ARHGAP12: variants seen among roughly 807,000 people sequenced by gnomAD.
ARHGAP12 encodes the protein Rho GTPase activating protein 12, also known as rho GTPase-activating protein 12.
ARHGAP12 carries 64 observed loss-of-function variants against 108.6 expected under a neutral mutation model. The ratio of observed to expected loss-of-function variants is 0.59; its 90% CI spans 0.48 to 0.73. The LOEUF (loss-of-function observed/expected upper bound fraction) is 0.73, where lower values mean the gene tolerates loss of function less well. Ranked by LOEUF, ARHGAP12 falls within the 30% of genes least tolerant of loss-of-function variation. The pLI is 0.00. For synonymous variants in ARHGAP12, 312 were observed against 337.2 expected (o/e 0.93, Z 0.82); for missense variants, 940 against 1,005.9 (o/e 0.93, Z 0.89).
At chr10:31,825,321 T>C (rs958114723) in intron 11 of ARHGAP12, among the ~76,000 whole-genome samples, 6 of 152,142 alleles carry the variant, frequency 3.9e-5, no homozygotes, top group African/African-American at 9.6e-5. Context: ...ATAAGATCCA[T>C]AGGTTTTGTA....
chr10:31,865,835 G>T (rs1040419277), intron 3 of ARHGAP12, among the ~76,000 whole-genome samples: 1 of 149,536 alleles, frequency 6.7e-6, no homozygotes, highest in Non-Finnish European at 1.5e-5. Context: ...CCAAGACCGC[G>T]ACGCTGCACT....
At chr10:31,921,143 G>A (rs955682011) in intron 1 of ARHGAP12, among the ~76,000 whole-genome samples, 3 of 151,908 alleles carry the variant, frequency 2.0e-5, no homozygotes, top group South Asian at 4.2e-4. Flanking sequence ...AAAACTAGCC[G>A]GGCATGGTGA....
intron 16 of ARHGAP12, chr10:31,809,796 C>T (rs1021950246): frequency 6.6e-6 from 1 of 152,286 alleles, no homozygotes; most frequent in Non-Finnish European, 1.5e-5. Context: ...AAAAACAATA[C>T]ATAATTTGCT....
Position 31,807,602 on chromosome 10 carries a change from AC to A in ARHGAP12, c.*55del. On this transcript the variant is annotated 3_prime_UTR_variant, in exon 20 of 20. Transcript: ENST00000344936. Reference sequence around the variant, plus strand: ...AAAAAATAAAATACATTGTGTATAAACATTTGAAATCTGATGGAATCCAGCT... The same window carrying A: ...AAAAAATAAAATACATTGTGTATAAAATTTGAAATCTGATGGAATCCAGCT... 1 of 1,525,682 alleles carries A rather than the reference AC, an allele frequency of 6.6e-7. No individual in the cohort carries two copies. Among genetic ancestry groups the A allele is most frequent in the East Asian group, 2.3e-5 (1 of 43,064 alleles). The allele number at this position is 1,525,682 out of a possible 1,614,324, so 94.5% of individuals were successfully genotyped here.
intron 3 of ARHGAP12, 23 bp downstream of exon 3, chr10:31,908,149 C>A (rs769972577): frequency 6.5e-7 from 1 of 1,535,800 alleles, no homozygotes; most frequent in Non-Finnish European, 8.7e-7. Flanking sequence ...TACAGTGTTT[C>A]CTCATTCTAT....
At chr10:31,896,010 G>C (rs1386949506) in intron 3 of ARHGAP12, among the ~76,000 whole-genome samples, 3 of 151,736 alleles carry the variant, frequency 2.0e-5, no homozygotes, top group Non-Finnish European at 4.4e-5. Context: ...AACACCGCAT[G>C]TTCTCACTCA....
At chr10:31,836,588 A>T (rs1268904125) in intron 9 of ARHGAP12, among the ~76,000 whole-genome samples, 1 of 151,572 alleles carries the variant, frequency 6.6e-6, no homozygotes, top group South Asian at 2.1e-4. Context: ...GGTGACATTA[A>T]GAACTGAAAA....
At chr10:31,925,057 C>A (rs1239807723) in intron 1 of ARHGAP12, among the ~76,000 whole-genome samples, 5 of 152,170 alleles carry the variant, frequency 3.3e-5, no homozygotes, top group Admixed American at 6.5e-5. Context: ...CCTCTCTGGG[C>A]TTCAGTTTTT....
chr10:31,812,225 T>C (rs553045842), intron 15 of ARHGAP12, among the ~76,000 whole-genome samples: 48 of 152,332 alleles, frequency 3.2e-4, no homozygotes, highest in African/African-American at 1.1e-3. Flanking sequence ...AAAAAAAGAT[T>C]GTTAGTCCAT....
chr10:31,836,394 T>G (rs578260716), intron 9 of ARHGAP12, among the ~76,000 whole-genome samples: 1 of 152,224 alleles, frequency 6.6e-6, no homozygotes, highest in South Asian at 2.1e-4. Flanking sequence ...ACAAATATAT[T>G]ATTGACTTTT....
chr10:31,850,589 A>C (rs1836636308), intron 6 of ARHGAP12, among the ~76,000 whole-genome samples: 1 of 152,188 alleles, frequency 6.6e-6, no homozygotes, highest in Non-Finnish European at 1.5e-5. Context: ...CACATTAATA[A>C]AATAAATTGC....
At chr10:31,928,833 G>C (rs984822498), upstream of ARHGAP12, 3 of 152,020 alleles carry the variant, frequency 2.0e-5, no homozygotes, top group Admixed American at 2.0e-4. Context: ...GTAAGTTACA[G>C]GGCACGTCGG....
At chr10:31,902,315 T>C (rs368918820) in intron 3 of ARHGAP12, among the ~76,000 whole-genome samples, 1 of 147,210 alleles carries the variant, frequency 6.8e-6, no homozygotes, top group Non-Finnish European at 1.5e-5. Context: ...CTATAACAAT[T>C]AGATATCCAT....
At chr10:31,846,291 C>T (rs576402243) in intron 6 of ARHGAP12, among the ~76,000 whole-genome samples, 3 of 152,274 alleles carry the variant, frequency 2.0e-5, no homozygotes, top group Admixed American at 2.0e-4. Context: ...CAAAAGTCTC[C>T]TCAGATATTC....
In ARHGAP12 at chr10:31,807,662, C is replaced by T. The variant is rs147089005; in HGVS notation, c.2537G>A (p.Arg846His). Residue 846 changes from arginine to histidine, a missense_variant, in exon 20 of 20, where the codon CGT becomes CAT. Physicochemically the swap from Arg to His is conservative, Grantham distance 29. Transcript: ENST00000344936. ...ACAGGTTGTCTTCAGTAAGAATCAA[C>T]GTCCGAAGATGGAACTCAGTTCCAG... is the stretch of plus-strand genomic sequence containing the variant. ...ILLELSSIFGR is the reference protein window; with the variant it reads ...ILLELSSIFGH The T allele has an allele frequency of 1.0e-5, 16 of 1,599,366 alleles. No homozygotes were observed. The Admixed American group carries it at 1.8e-4, about 18-fold the overall frequency.
chr10:31,846,637 T>C (rs1459502302), intron 6 of ARHGAP12, among the ~76,000 whole-genome samples: 1 of 152,150 alleles, frequency 6.6e-6, no homozygotes, highest in Non-Finnish European at 1.5e-5. Context: ...TTCAAGACTT[T>C]ATCAGGGGGA....
rs1464994286 is a variant in ARHGAP12, at chr10:31,867,851, TGAG to T, written c.685-6196_685-6194del. 2.4e-3 allele frequency among the ~76,000 whole-genome samples: 364 copies of T among 151,972 alleles called. 3 individuals are homozygous for T. Among genetic ancestry groups the T allele is most frequent in the African/African-American group, 8.4e-3 (347 of 41,438 alleles). On this transcript the variant is annotated intron_variant, in intron 3 of 19. Coordinates refer to ENST00000344936, the MANE Select transcript of ARHGAP12 (RefSeq NM_018287.7). ...GTTAAGCAAATCATGACTCAACAGA[TGAG>T]GCAATACTAATACTAGCAGTGAAAA...
chr10:31,923,583 A>G (rs368549736), intron 1 of ARHGAP12, among the ~76,000 whole-genome samples: 8 of 152,370 alleles, frequency 5.3e-5, no homozygotes, highest in African/African-American at 1.9e-4. Context: ...ACACAATGGA[A>G]TATCACTCAG....
chr10:31,882,071 C>T (rs1439104173), intron 3 of ARHGAP12, among the ~76,000 whole-genome samples: 1 of 151,878 alleles, frequency 6.6e-6, no homozygotes, highest in African/African-American at 2.4e-5. Context: ...CCCGCCACTA[C>T]GCCCGGCTAA....
Sources: allele counts gnomAD v4.1 joint callset (sites outside exome capture counted in the v4.1 genomes callset), GRCh38; gene constraint gnomAD v4.1.1; transcripts MANE v1.5; gene names NCBI Gene and HGNC (gene_info 2026-07-23, HGNC 2026-07-21).